OPHN1: variants seen among roughly 807,000 people sequenced by gnomAD.
OPHN1 encodes the protein oligophrenin 1.
Under a neutral mutation model 60.7 loss-of-function variants are expected in OPHN1, and 11 were observed. That is an observed-to-expected ratio of 0.18 (90% CI 0.11 to 0.30). The LOEUF is 0.30. Among genes scored for constraint, OPHN1 ranks in the 10% least tolerant of loss-of-function variants. The pLI, the probability that OPHN1 is intolerant of heterozygous loss-of-function variation, is 1.00. For missense variants in OPHN1, 449 were observed against 611.0 expected (o/e 0.73, Z 2.80); for synonymous variants, 226 against 222.6 (o/e 1.02, Z -0.14).
intron 5 of OPHN1, among the ~76,000 whole-genome samples, chrX:68,265,518 C>T (rs1477116642): frequency 3.6e-5 from 4 of 111,664 alleles, no homozygotes; most frequent in East Asian, 2.8e-4. Context: ...CACACCAAAA[C>T]CCCATCTGTA....
chrX:68,324,432 G>A (rs765969170), intron 2 of OPHN1, among the ~76,000 whole-genome samples: 216 of 100,993 alleles, frequency 2.1e-3, no homozygotes, highest in African/African-American at 7.5e-3. Context: ...GTAAGACTCC[G>A]TCTCTACAAA....
chrX:68,288,085 C>T (rs969663525), intron 3 of OPHN1, among the ~76,000 whole-genome samples: 4 of 111,895 alleles, frequency 3.6e-5, no homozygotes, highest in African/African-American at 1.3e-4. Flanking sequence ...CGGAAGACTG[C>T]AAATGCCTAG....
Position 68,114,890 on chromosome X carries a change from A to G in OPHN1, c.1362-1651T>C, listed in dbSNP as rs183746056. 1.2e-3 allele frequency among the ~76,000 whole-genome samples: 136 copies of G among 111,780 alleles called. 1 individual carries two copies. Among genetic ancestry groups the G allele is most frequent in the Non-Finnish European group, 2.3e-3 (124 of 53,153 alleles). On this transcript the variant is annotated intron_variant, in intron 16 of 24. Transcript: ENST00000355520. ...GGGTGAGTGAATAGAATAAGAGTTG[A>G]TTAAGAGGGAAGTAGAGATGCTAAG...
At chrX:68,290,815 T>C in intron 3 of OPHN1, among the ~76,000 whole-genome samples, 1 of 109,675 alleles carries the variant, frequency 9.1e-6, no homozygotes, top group African/African-American at 3.3e-5. Context: ...TTATTAGCTA[T>C]GTGATCCTGG....
chrX:68,097,147 C>T, intron 18 of OPHN1, 118 bp from the exon 19 acceptor site: 4 of 618,418 alleles, frequency 6.5e-6, no homozygotes, highest in Non-Finnish European at 4.8e-6. Flanking sequence ...AAAGGAGCAC[C>T]TAAAGTATGT....
intron 23 of OPHN1, among the ~76,000 whole-genome samples, chrX:68,051,189 C>A (rs975058766): frequency 9.0e-6 from 1 of 111,255 alleles, no homozygotes; most frequent in African/African-American, 3.3e-5. Context: ...AACTGACCAC[C>A]TAGAAGAGTT....
rs185258433 is a variant in OPHN1, at chrX:68,410,202, A to G, written c.154+22665T>C. ...TATATCTCAGTCCATTTCTGATGCT[A>G]TAACAAATTACCACAGACTGAGTAA... is the stretch of plus-strand genomic sequence containing the variant. On this transcript the variant is annotated intron_variant, in intron 2 of 24. Coordinates refer to ENST00000355520, the MANE Select transcript of OPHN1 (RefSeq NM_002547.3). 1.5e-3 allele frequency among the ~76,000 whole-genome samples: 164 copies of G among 112,166 alleles called. 2 individuals carry two copies. The highest frequency in any genetic ancestry group is 7.7e-3 in the Admixed American group (81 of 10,493).
intron 2 of OPHN1, 138 bp downstream of exon 2, chrX:68,432,729 C>G (rs765092681): frequency 1.5e-6 from 1 of 659,803 alleles, no homozygotes; most frequent in East Asian, 3.3e-5. Context: ...CTCCACTCCC[C>G]AAGTGTGGGA....
chrX:68,302,808 T>C (rs1349163048), intron 2 of OPHN1, among the ~76,000 whole-genome samples: 1 of 110,007 alleles, frequency 9.1e-6, no homozygotes, highest in Non-Finnish European at 1.9e-5. Flanking sequence ...CCTGTAGTCC[T>C]AGCTACTTGA....
chrX:68,094,923 T>A (rs577449824), intron 19 of OPHN1, among the ~76,000 whole-genome samples: 2 of 111,322 alleles, frequency 1.8e-5, no homozygotes, highest in Middle Eastern at 9.2e-3. Context: ...GGTGAATGAA[T>A]CATTCCTCTA....
At chrX:68,207,749 T>A (rs987281559) in intron 9 of OPHN1, among the ~76,000 whole-genome samples, 6 of 111,763 alleles carry the variant, frequency 5.4e-5, no homozygotes, top group African/African-American at 2.0e-4. Context: ...ACCTCTATGT[T>A]CCTGTCTCAA....
At chrX:68,095,228 T>C (rs1266793430) in intron 19 of OPHN1, among the ~76,000 whole-genome samples, 1 of 112,028 alleles carries the variant, frequency 8.9e-6, no homozygotes, top group East Asian at 2.8e-4. Flanking sequence ...GTTGGATGAA[T>C]CAATTGATTT....
intron 15 of OPHN1, among the ~76,000 whole-genome samples, chrX:68,132,054 A>T (rs745889351): frequency 8.9e-6 from 1 of 112,366 alleles, no homozygotes; most frequent in Non-Finnish European, 1.9e-5. Flanking sequence ...TGTGGGATAC[A>T]TTTAATGAGG....
chrX:68,410,058 T>G (rs1157180363), intron 2 of OPHN1, among the ~76,000 whole-genome samples: 2 of 111,651 alleles, frequency 1.8e-5, no homozygotes, highest in African/African-American at 3.3e-5. Flanking sequence ...ATCCAACATT[T>G]TTATGAGTCA....
chrX:68,058,225 T>C (rs1362790872), intron 21 of OPHN1, among the ~76,000 whole-genome samples: 1 of 108,448 alleles, frequency 9.2e-6, no homozygotes, highest in Non-Finnish European at 1.9e-5. Flanking sequence ...ATATGGGGGT[T>C]TTGTGAGGGC....
intron 5 of OPHN1, among the ~76,000 whole-genome samples, chrX:68,260,276 T>C (rs1262078536): frequency 1.8e-5 from 2 of 110,835 alleles, no homozygotes; most frequent in Non-Finnish European, 3.8e-5. Context: ...CTTTCGTGAC[T>C]GTTTTTTTTT....
At chrX:68,277,701 G>T (rs543595786) in intron 4 of OPHN1, among the ~76,000 whole-genome samples, 4 of 111,644 alleles carry the variant, frequency 3.6e-5, no homozygotes, top group African/African-American at 9.8e-5. Flanking sequence ...TGAGGCAGGA[G>T]AATCACTTGA....
At chrX:68,400,101 A>G (rs1379919940) in intron 2 of OPHN1, among the ~76,000 whole-genome samples, 1 of 111,231 alleles carries the variant, frequency 9.0e-6, no homozygotes, top group Non-Finnish European at 1.9e-5. Flanking sequence ...CTTCATTTAC[A>G]TGAGGTGAGC....
intron 15 of OPHN1, among the ~76,000 whole-genome samples, chrX:68,175,896 A>G (rs1477109016): frequency 2.7e-5 from 3 of 112,233 alleles, no homozygotes; most frequent in African/African-American, 6.5e-5. Flanking sequence ...GGAATAGAAC[A>G]GAGAGCACAG....
Sources: gnomAD v4.1 joint callset for allele counts (sites outside exome capture counted in the v4.1 genomes callset) on GRCh38, gnomAD v4.1.1 for gene constraint, MANE v1.5 for transcripts, NCBI Gene and HGNC (gene_info 2026-07-23, HGNC 2026-07-21) for gene names.